Variants in SZT2 observed in about 807,000 individuals in gnomAD.
The protein encoded by SZT2 is KICSTOR complex protein SZT2.
Under a neutral mutation model 404.2 loss-of-function variants are expected in SZT2, and 216 were observed. That is an observed-to-expected ratio of 0.53 (90% CI 0.48 to 0.60). The LOEUF (loss-of-function observed/expected upper bound fraction) is 0.60. Ranked by LOEUF, SZT2 falls within the 20% of genes least tolerant of loss-of-function variation. The pLI is 0.00. For synonymous variants in SZT2, 1,693 were observed against 1,749.9 expected (o/e 0.97, Z 0.81); for missense variants, 3,857 against 4,459.2 (o/e 0.86, Z 3.85).
intron 1 of SZT2, among the ~76,000 whole-genome samples, chr1:43,398,506 T>C (rs1649270563): frequency 6.6e-6 from 1 of 152,162 alleles, no homozygotes; most frequent in African/African-American, 2.4e-5. Context: ...CTTTTTTAGA[T>C]AAGAACTTTG....
Position 43,425,029 on chromosome 1 carries a change from C to A in SZT2, c.2551-84C>A. 6.3e-7 allele frequency: 1 copy of A among 1,581,668 alleles called. No homozygotes were observed. The highest frequency in any genetic ancestry group is 1.1e-5 in the South Asian group (1 of 89,560). On this transcript the variant is annotated intron_variant, in intron 17 of 71. Transcript: ENST00000634258. The surrounding 1 kb of genome is among the most constrained non-coding windows in gnomAD (Gnocchi z 4.3). ...GTCATAGGACAATTTGGTGAGGGAACTGAAATTCTGAGGGCCAGAGCTAGG... is the reference window on the plus strand; with the variant it reads ...GTCATAGGACAATTTGGTGAGGGAAATGAAATTCTGAGGGCCAGAGCTAGG...
In SZT2 at chr1:43,420,329, G is replaced by A. The variant is rs1652197748; in HGVS notation, c.1261+6G>A. Reference sequence around the variant, plus strand: ...AGAGGTCACACTGGCCAAAGGTAAGGGTCATTAGGCCCTGCTGTAATCCCA... The same window carrying A: ...AGAGGTCACACTGGCCAAAGGTAAGAGTCATTAGGCCCTGCTGTAATCCCA... On this transcript the variant is annotated splice_donor_region_variant and intron_variant, in intron 9 of 71. Transcript: ENST00000634258. This position sits in a 1 kb window ranked among gnomAD's most constrained non-coding sequence, Gnocchi z 5.1. The A allele has an allele frequency of 1.9e-6, 3 of 1,578,382 alleles. No individual in the cohort carries two copies. In the South Asian group the frequency reaches 3.4e-5, roughly 18 times the overall value.
At chr1:43,434,611 C>G in intron 41 of SZT2, 126 bp downstream of exon 41, 1 of 858,888 alleles carries the variant, frequency 1.2e-6, no homozygotes, top group Non-Finnish European at 1.8e-6. Context: ...TTTGACTTCC[C>G]CAGTTAGTAG....
chr1:43,432,766 T>C lies in SZT2; in HGVS notation c.5569T>C (p.Ser1857Pro). 1 of 1,613,892 alleles carries C rather than the reference T, an allele frequency of 6.2e-7. No individual in the cohort carries two copies. Among genetic ancestry groups the C allele is most frequent in the Non-Finnish European group, 8.5e-7 (1 of 1,179,912 alleles). ...GCCCAGCCGGGGATTAAGTCTCATG[T>C]CCAGTCAGGGCAGTGTGGACTCAGA... ...PGPSRGLSLM[S>P]SQGSVDSDHL... is the part of the protein sequence containing the mutation. The change falls in exon 39 of 72, where the codon TCC becomes CCC. Residue 1857 changes from serine to proline, a missense_variant. Around this residue, in one of 7 missense-constraint regions of SZT2, gnomAD observed 1,725 missense variants for 1,881.0 expected, o/e 0.92. Transcript: ENST00000634258.
chr1:43,447,024 G>T lies in SZT2; in HGVS notation c.9142G>T (p.Asp3048Tyr). 6.2e-7 allele frequency: 1 copy of T among 1,613,934 alleles called. No individual in the cohort carries two copies. The highest frequency in any genetic ancestry group is 8.5e-7 in the Non-Finnish European group (1 of 1,180,044). The stretch of plus-strand genomic sequence containing the variant: ...GATGCACGTGCACTCGTTCAGCTAT[G>T]ACTTCCATCTGCGCCTCGTGCATCA... ...DLMHVHSFSYDFHLRLVHQHV... is the reference protein window; with the variant it reads ...DLMHVHSFSYYFHLRLVHQHV... The change falls in exon 66 of 72, where the codon GAC becomes TAC. Residue 3048 changes from aspartate to tyrosine, a missense_variant. Transcript: ENST00000634258.
At chr1:43,438,134 C>T in intron 46 of SZT2, 1 of 501,368 alleles carries the variant, frequency 2.0e-6, no homozygotes, top group South Asian at 2.2e-5. Context: ...TCCTGCTGTG[C>T]TCGGGTCTTT....
chr1:43,421,383 T>C, intron 11 of SZT2, 80 bp downstream of exon 11: 1 of 1,541,634 alleles, frequency 6.5e-7, no homozygotes, highest in Non-Finnish European at 8.7e-7. Context: ...ACCACCACCT[T>C]CTATTCCTTT....
Position 43,415,066 on chromosome 1 carries a change from C to A in SZT2, c.499-16C>A. 1 of 1,596,748 alleles carries A rather than the reference C, an allele frequency of 6.3e-7. No individual in the cohort carries two copies. Among genetic ancestry groups the A allele is most frequent in the Non-Finnish European group, 8.5e-7 (1 of 1,178,750 alleles). ...CCCTGACCGTCCTGTCTCAGTCTTT[C>A]CCATGTGCTTCTTAGGTGCTGGTAC... On this transcript the variant is annotated splice_polypyrimidine_tract_variant and intron_variant, in intron 4 of 71. Transcript: ENST00000634258.
Position 43,439,037 on chromosome 1 carries a change from C to T in SZT2, c.6736C>T (p.Leu2246Phe), listed in dbSNP as rs780310153. 1.6e-5 allele frequency: 26 copies of T among 1,614,116 alleles called. No individual in the cohort carries two copies. The highest frequency in any genetic ancestry group is 4.5e-5 in the East Asian group (2 of 44,898). Residue 2246 changes from leucine (L) to phenylalanine (F), a missense_variant, in exon 48 of 72, where the codon CTC (leucine) becomes TTC (phenylalanine). This residue lies in a region of SZT2 where 261 missense variants were observed against 372.9 expected (regional missense o/e 0.70). Coordinates refer to ENST00000634258, the MANE Select transcript of SZT2 (RefSeq NM_001365999.1). This position sits in a 1 kb window ranked among gnomAD's most constrained non-coding sequence, Gnocchi z 4.2. ...GGCATGGTACCTACGGCAGAACTTG[C>T]TCATCTTCCTGCACTCTCCCAAGTA... ...ALAWYLRQNL[L>F]IFLHSPKYTD...
At position 43,415,073 on chromosome 1, in the gene SZT2, G is replaced by T. The variant is rs1351101782; in HGVS notation, c.499-9G>T. ...CGTCCTGTCTCAGTCTTTCCCATGT[G>T]CTTCTTAGGTGCTGGTACAGGGCTG... On this transcript the variant is annotated splice_polypyrimidine_tract_variant and intron_variant, in intron 4 of 71. Transcript: ENST00000634258. The T allele has an allele frequency of 6.3e-7, 1 of 1,597,298 alleles. No individual in the cohort carries two copies. Among genetic ancestry groups the T allele is most frequent in the Non-Finnish European group, 8.5e-7 (1 of 1,179,074 alleles).
At chr1:43,391,726 G>A (rs939630966) in intron 1 of SZT2, among the ~76,000 whole-genome samples, 32 of 152,142 alleles carry the variant, frequency 2.1e-4, no homozygotes, top group Non-Finnish European at 4.0e-4. Context: ...GGACAACACC[G>A]TCCTGTAGAA....
At position 43,437,280 on chromosome 1, in the gene SZT2, C is replaced by T; in HGVS notation, c.6144C>T (p.Val2048=). The T allele has an allele frequency of 6.2e-7, 1 of 1,614,122 alleles. No homozygotes were observed. Among genetic ancestry groups the T allele is most frequent in the Non-Finnish European group, 8.5e-7 (1 of 1,180,030 alleles). The change falls in exon 43 of 72, where the codon GTC becomes GTT. Residue 2048 remains valine, a synonymous_variant. Coordinates refer to ENST00000634258, the MANE Select transcript of SZT2 (RefSeq NM_001365999.1). This position sits in a 1 kb window ranked among gnomAD's most constrained non-coding sequence, Gnocchi z 5.3. ...TTGTGTGGGGAACTGTGATCCGAGT[C>T]CATTCACGCCTCAAAATGGGGCCCA... ...CDVVWGTVIR[V]HSRLKMGPSM...
Position 43,422,598 on chromosome 1 carries a change from G to A in SZT2, c.1888G>A (p.Val630Ile), listed in dbSNP as rs1652505155. The A allele has an allele frequency of 6.3e-7, 1 of 1,597,546 alleles. No homozygotes were observed. Among genetic ancestry groups the A allele is most frequent in the African/African-American group, 1.3e-5 (1 of 74,778 alleles). Residue 630 changes from valine to isoleucine, a missense_variant, in exon 13 of 72, where the codon GTC becomes ATC. Val to Ile is a conservative substitution (Grantham distance 29, BLOSUM62 3). This residue lies in a region of SZT2 where 1,725 missense variants were observed against 1,881.0 expected (regional missense o/e 0.92). Transcript: ENST00000634258. The part of the protein sequence containing the change: ...LLRDWSSFVL[V>I]EGYSYVKLLS... ...GCGGGACTGGAGCAGCTTCGTACTA[G>A]TCGAGGGCTATTCTTATGTTAAGCT...
At position 43,426,263 on chromosome 1, in the gene SZT2, A is replaced by C; in HGVS notation, c.3044-105A>C. ...AAGTGAGCAGATGAGTGGTGGGGGC[A>C]GGAGGAGCCCATGAGGCTGAAGGAG... is the stretch of plus-strand genomic sequence containing the variant. On this transcript the variant is annotated intron_variant, in intron 21 of 71. Coordinates refer to ENST00000634258, the MANE Select transcript of SZT2 (RefSeq NM_001365999.1). This position sits in a 1 kb window ranked among gnomAD's most constrained non-coding sequence, Gnocchi z 4.9. 6.7e-7 allele frequency: 1 copy of C among 1,491,054 alleles called. No individual in the cohort carries two copies. The highest frequency in any genetic ancestry group is 1.3e-5 in the South Asian group (1 of 79,270). 92.4% of individuals were successfully genotyped at this position (1,491,054 alleles called of 1,614,324 possible). A position where few individuals can be genotyped will look rare whatever the true frequency, so the allele number is the denominator to read the frequency against.
intron 4 of SZT2, among the ~76,000 whole-genome samples, chr1:43,407,472 C>T (rs185629673): frequency 3.9e-5 from 6 of 151,910 alleles, no homozygotes; most frequent in Non-Finnish European, 5.9e-5. Flanking sequence ...GCCAAGATCA[C>T]GCCACTGTAC....
At chr1:43,422,254 T>C (rs1652452350) in intron 12 of SZT2, 29 bp downstream of exon 12, 1 of 1,556,576 alleles carries the variant, frequency 6.4e-7, no homozygotes, top group Non-Finnish European at 8.7e-7. Flanking sequence ...GGGCCATAGT[T>C]GGGGTGGAGT....
In SZT2 at chr1:43,427,193, A is replaced by G. The variant is rs199978760; in HGVS notation, c.3433+14A>G. 327 of 1,613,522 alleles carry G rather than the reference A, an allele frequency of 2.0e-4. No individual in the cohort carries two copies. Among genetic ancestry groups the G allele is most frequent in the Middle Eastern group, 3.3e-4 (2 of 6,062 alleles). Reference sequence around the variant, plus strand: ...CTACCTTCTCAGGTGCCAGCTGCTGACCTCCTCACGAACCCCCTCAGATAC... The same window carrying G: ...CTACCTTCTCAGGTGCCAGCTGCTGGCCTCCTCACGAACCCCCTCAGATAC... On this transcript the variant is annotated intron_variant, in intron 24 of 71. Transcript: ENST00000634258.
chr1:43,432,394 G>T lies in SZT2; in HGVS notation c.5397G>T (p.Trp1799Cys). The T allele has an allele frequency of 6.3e-7, 1 of 1,594,304 alleles. No homozygotes were observed. Among genetic ancestry groups the T allele is most frequent in the African/African-American group, 1.4e-5 (1 of 74,060 alleles). Residue 1799 changes from tryptophan (W) to cysteine (C), a missense_variant, in exon 37 of 72, where the codon TGG (tryptophan) becomes TGT (cysteine). This residue lies in a region of SZT2 where 1,725 missense variants were observed against 1,881.0 expected (regional missense o/e 0.92). Transcript: ENST00000634258. The stretch of plus-strand genomic sequence containing the variant: ...ATGGGGAGCCTTCTTCAGCGGCCTG[G>T]GCTTGGCACAGTCATGAGGACAGGG... ...GSHGEPSSAA[W>C]AWHSHEDRAE...
At position 43,420,250 on chromosome 1, in the gene SZT2, A is replaced by G. The variant is rs376518337; in HGVS notation, c.1188A>G (p.Pro396=). Reference sequence around the variant, plus strand: ...AGAAGCACACTGAGAAGGAGGTGCCAGCCGACTTGGTCAGCACTGTGTCCG... The same window carrying G: ...AGAAGCACACTGAGAAGGAGGTGCCGGCCGACTTGGTCAGCACTGTGTCCG... ...RRKKHTEKEV[P]ADLVSTVSVR... Residue 396 remains proline (P), a synonymous_variant, in exon 9 of 72, where the codon CCA becomes CCG. Transcript: ENST00000634258. This position sits in a 1 kb window ranked among gnomAD's most constrained non-coding sequence, Gnocchi z 5.1. 52 of 1,598,462 alleles carry G rather than the reference A, an allele frequency of 3.3e-5. No individual in the cohort carries two copies. The Middle Eastern group carries it at 5.0e-4, about 15-fold the overall frequency.
Sources: allele counts gnomAD v4.1 joint callset (sites outside exome capture counted in the v4.1 genomes callset), GRCh38; gene constraint gnomAD v4.1.1; regional missense constraint gnomAD v4.1.1; non-coding constraint Gnocchi (gnomAD v3.1); transcripts MANE v1.5; gene names NCBI Gene and HGNC (gene_info 2026-07-23, HGNC 2026-07-21).